Variants in GABBR2 observed in about 807,000 individuals in gnomAD.
GABBR2 encodes G-protein coupled receptor 51.
In GABBR2, 23 loss-of-function variants were observed where a neutral mutation model predicts 105.6. The ratio of observed to expected loss-of-function variants is 0.22; its 90% confidence interval spans 0.16 to 0.31. The LOEUF (loss-of-function observed/expected upper bound fraction) is 0.31. Among genes scored for constraint, GABBR2 ranks in the 10% least tolerant of loss-of-function variants. The pLI is 1.00. For missense variants in GABBR2, 734 were observed against 1,245.5 expected, an observed-to-expected ratio of 0.59 and a Z score of 6.18; for synonymous variants, 478 against 499.7, an observed-to-expected ratio of 0.96 and a Z score of 0.58.
At chr9:98,422,494 A>C (rs1180053433) in intron 7 of GABBR2, among the ~76,000 whole-genome samples, 1 of 135,006 alleles carries the variant, frequency 7.4e-6, no homozygotes, top group East Asian at 2.4e-4. Context: ...TGCTTAATGC[A>C]CCTGTGTGTG....
At chr9:98,518,042 C>T (rs1827793237) in intron 3 of GABBR2, among the ~76,000 whole-genome samples, 1 of 152,208 alleles carries the variant, frequency 6.6e-6, no homozygotes, top group Non-Finnish European at 1.5e-5. Context: ...CAGGAGGAGT[C>T]AGAAAGAAGG....
intron 7 of GABBR2, among the ~76,000 whole-genome samples, chr9:98,419,836 C>A (rs1385559350): frequency 6.6e-6 from 1 of 152,086 alleles, no homozygotes; most frequent in Non-Finnish European, 1.5e-5. Flanking sequence ...TGGAGGAACA[C>A]CTGAGGGATC....
At chr9:98,344,092 C>G (rs1359454161) in intron 13 of GABBR2, among the ~76,000 whole-genome samples, 1 of 152,212 alleles carries the variant, frequency 6.6e-6, no homozygotes, top group East Asian at 1.9e-4. Context: ...CAATTTCCCC[C>G]ACCTTTCCAG....
Position 98,368,447 on chromosome 9 carries a change from C to T in GABBR2, c.1770+3017G>A, listed in dbSNP as rs537784491. On this transcript the variant is annotated intron_variant, in intron 12 of 18. Transcript: ENST00000259455. ...CTGAGCTCTCAGAGTTGGCCCAGAC[C>T]CTTGGCGGGGACCGAGTTTCCCCTA... 9.5e-4 allele frequency among the ~76,000 whole-genome samples: 145 copies of T among 152,200 alleles called. 2 individuals carry two copies. The highest frequency in any genetic ancestry group is 4.7e-4 in the Non-Finnish European group (32 of 68,022).
intron 13 of GABBR2, among the ~76,000 whole-genome samples, chr9:98,359,457 T>C (rs994843897): frequency 6.6e-6 from 1 of 151,938 alleles, no homozygotes; most frequent in African/African-American, 2.4e-5. Flanking sequence ...ATAAAATAAA[T>C]CGATCAATAT....
At chr9:98,492,943 C>CT (rs1827208660) in intron 4 of GABBR2, among the ~76,000 whole-genome samples, 1 of 152,282 alleles carries the variant, frequency 6.6e-6, no homozygotes, top group African/African-American at 2.4e-5. Context: ...CTACTGTACC[C>CT]TTTGGAAGGA....
intron 2 of GABBR2, among the ~76,000 whole-genome samples, chr9:98,561,711 C>T (rs563848644): frequency 2.0e-5 from 3 of 152,172 alleles, no homozygotes; most frequent in South Asian, 4.2e-4. Context: ...GGCGAGACTC[C>T]GTCTCTACAA....
At chr9:98,594,240 G>A (rs2131798425) in intron 1 of GABBR2, among the ~76,000 whole-genome samples, 1 of 152,264 alleles carries the variant, frequency 6.6e-6, no homozygotes, top group South Asian at 2.1e-4. Context: ...AAGCCCTAAT[G>A]CACCTTCCCA....
intron 1 of GABBR2, chr9:98,606,769 C>T (rs972640278): frequency 6.9e-6 from 2 of 288,336 alleles, no homozygotes; most frequent in East Asian, 9.1e-5. Context: ...CATGAGCCAC[C>T]GTGCCTGACC....
chr9:98,571,375 C>T (rs1226793284), intron 2 of GABBR2, among the ~76,000 whole-genome samples: 11 of 152,208 alleles, frequency 7.2e-5, no homozygotes, highest in African/African-American at 1.9e-4. Context: ...CTTTCCCACA[C>T]GGGCAGCATC....
At chr9:98,619,906 G>A (rs144569258) in intron 1 of GABBR2, among the ~76,000 whole-genome samples, 226 of 152,310 alleles carry the variant, frequency 1.5e-3, no homozygotes, top group African/African-American at 5.3e-3. Flanking sequence ...CAAGCTTCAC[G>A]CATGCCTGCA....
At chr9:98,536,319 T>G (rs1828180865) in intron 3 of GABBR2, among the ~76,000 whole-genome samples, 1 of 152,096 alleles carries the variant, frequency 6.6e-6, no homozygotes, top group African/African-American at 2.4e-5. Context: ...CCCAATTCTC[T>G]TAGCTTACAG....
intron 9 of GABBR2, among the ~76,000 whole-genome samples, chr9:98,393,267 TCACC>T (rs1275206754): frequency 7.1e-6 from 1 of 140,466 alleles, no homozygotes; most frequent in Non-Finnish European, 1.5e-5. Flanking sequence ...ATCTATCCAC[TCACC>T]CACCCACCCA....
intron 1 of GABBR2, among the ~76,000 whole-genome samples, chr9:98,630,828 GCACCGTC>G (rs1200536529): frequency 6.6e-6 from 1 of 152,120 alleles, no homozygotes; most frequent in Non-Finnish European, 1.5e-5. Context: ...CTATAGAGCT[GCACCGTC>G]CAACATTGGC....
chr9:98,426,282 C>A (rs561559307), intron 7 of GABBR2, among the ~76,000 whole-genome samples: 2 of 152,332 alleles, frequency 1.3e-5, no homozygotes, highest in South Asian at 4.1e-4. Flanking sequence ...GGACTTAAAG[C>A]ACAGAGTGGT....
chr9:98,497,239 C>G (rs1827299238), intron 3 of GABBR2, among the ~76,000 whole-genome samples: 1 of 152,176 alleles, frequency 6.6e-6, no homozygotes, highest in Non-Finnish European at 1.5e-5. Context: ...CGTACTCCAG[C>G]CTGGGTGACA....
At chr9:98,307,854 T>G (rs573489659) in intron 14 of GABBR2, among the ~76,000 whole-genome samples, 1 of 152,358 alleles carries the variant, frequency 6.6e-6, no homozygotes, top group South Asian at 2.1e-4. Flanking sequence ...ACAAGCATGA[T>G]TGTTTTCCTC....
chr9:98,477,686 A>T (rs1395003883), intron 5 of GABBR2, among the ~76,000 whole-genome samples: 1 of 152,178 alleles, frequency 6.6e-6, no homozygotes, highest in African/African-American at 2.4e-5. Flanking sequence ...GCCATGACAC[A>T]ATTTAAAAAA....
At chr9:98,607,397 A>G in intron 1 of GABBR2, 1 of 656,528 alleles carries the variant, frequency 1.5e-6, no homozygotes, top group Non-Finnish European at 2.8e-6. Flanking sequence ...GTATCATCTC[A>G]CTTATTGCCA....
Sources: allele counts gnomAD v4.1 joint callset (sites outside exome capture counted in the v4.1 genomes callset), GRCh38; gene constraint gnomAD v4.1.1; transcripts MANE v1.5; gene names NCBI Gene and HGNC (gene_info 2026-07-23, HGNC 2026-07-21).